Variants in ZNRF1 observed in about 807,000 individuals in gnomAD.
ZNRF1 encodes the protein E3 ubiquitin-protein ligase ZNRF1.
ZNRF1 carries 3 observed loss-of-function variants against 18.4 expected under a neutral mutation model. The observed-to-expected ratio is 0.16, with a 90% CI of 0.07 to 0.42. The LOEUF (loss-of-function observed/expected upper bound fraction) is 0.42. ZNRF1 is among the 10% of genes least tolerant of loss of function. ZNRF1 has a pLI of 0.99. For synonymous variants in ZNRF1, 157 were observed against 144.2 expected, an observed-to-expected ratio of 1.09 and a Z score of -0.64; for missense variants, 310 against 329.8, an observed-to-expected ratio of 0.94 and a Z score of 0.47.
intron 1 of ZNRF1, among the ~76,000 whole-genome samples, chr16:75,050,142 G>T (rs954205906): frequency 6.6e-6 from 1 of 152,158 alleles, no homozygotes; most frequent in African/African-American, 2.4e-5. Context: ...AAACTCTTGT[G>T]TATTTCAATA....
At chr16:75,005,070 TTG>T (rs2034901328) in intron 1 of ZNRF1, among the ~76,000 whole-genome samples, 1 of 152,146 alleles carries the variant, frequency 6.6e-6, no homozygotes, top group Non-Finnish European at 1.5e-5. Flanking sequence ...CAGAAAGCCT[TTG>T]TGTCCCGCCA....
At chr16:75,052,594 G>A (rs1386605235) in intron 1 of ZNRF1, among the ~76,000 whole-genome samples, 1 of 152,070 alleles carries the variant, frequency 6.6e-6, no homozygotes, top group African/African-American at 2.4e-5. Context: ...CTTGTTTAAG[G>A]TGAGACCATG....
chr16:75,082,734 G>A lies in ZNRF1; in HGVS notation c.425-10838G>A, dbSNP rs183147434. The stretch of plus-strand genomic sequence containing the variant: ...ATGCCTGGCTAATTTTTATATTTTT[G>A]GTAGAGACAGGGTTTCACCATGTTG... On this transcript the variant is annotated intron_variant, in intron 1 of 4. Transcript: ENST00000335325. 3.3e-3 allele frequency among the ~76,000 whole-genome samples: 508 copies of A among 152,112 alleles called. 3 individuals carry two copies. Among genetic ancestry groups the A allele is most frequent in the Non-Finnish European group, 5.3e-3 (361 of 67,998 alleles).
chr16:75,061,197 G>A (rs1172421669), intron 1 of ZNRF1, among the ~76,000 whole-genome samples: 8 of 152,120 alleles, frequency 5.3e-5, no homozygotes, highest in South Asian at 4.1e-4. Flanking sequence ...ATGCAATTAA[G>A]TTATTAACTG....
chr16:75,010,431 C>G (rs182157875), intron 1 of ZNRF1, among the ~76,000 whole-genome samples: 1 of 152,250 alleles, frequency 6.6e-6, no homozygotes, highest in Admixed American at 6.5e-5. Flanking sequence ...ACATTTTGCT[C>G]AAAATAAAGA....
intron 1 of ZNRF1, among the ~76,000 whole-genome samples, chr16:75,084,840 A>G (rs2036055537): frequency 6.6e-6 from 1 of 152,120 alleles, no homozygotes; most frequent in Non-Finnish European, 1.5e-5. Context: ...TTTCTTCACA[A>G]CACAGCTCAC....
intron 1 of ZNRF1, chr16:75,002,421 G>A (rs141509357): frequency 1.3e-3 from 192 of 152,336 alleles, no homozygotes; most frequent in African/African-American, 4.4e-3. Flanking sequence ...GAAGGGTAAC[G>A]ATTTTGGTGC....
chr16:75,045,684 C>T lies in ZNRF1; in HGVS notation c.424+45589C>T, dbSNP rs1413696790. Among the ~76,000 whole-genome samples the T allele has an allele frequency of 3.3e-5, 5 of 151,380 alleles. No individual in the cohort carries two copies. In the East Asian group the frequency reaches 9.7e-4, roughly 29 times the overall value. Reference sequence around the variant, plus strand: ...TGAACCTGCATCTGGTGCCAGTAAACCTAACTTGCTCAGCTGAATCTTCTT... The same window carrying T: ...TGAACCTGCATCTGGTGCCAGTAAATCTAACTTGCTCAGCTGAATCTTCTT... On this transcript the variant is annotated intron_variant, in intron 1 of 4. Transcript: ENST00000335325.
intron 1 of ZNRF1, among the ~76,000 whole-genome samples, chr16:75,081,365 T>C (rs1360535418): frequency 2.0e-5 from 3 of 152,208 alleles, no homozygotes; most frequent in African/African-American, 7.2e-5. Context: ...GTGGAGGAAG[T>C]GACACTTTCT....
intron 1 of ZNRF1, among the ~76,000 whole-genome samples, chr16:75,060,859 A>G (rs889432109): frequency 3.3e-5 from 5 of 152,112 alleles, no homozygotes; most frequent in African/African-American, 9.7e-5. Context: ...CCCCTGTACT[A>G]TGAGGGTACT....
intron 1 of ZNRF1, chr16:75,000,330 C>G: frequency 1.4e-6 from 1 of 702,956 alleles, no homozygotes; most frequent in African/African-American, 1.7e-5. Context: ...TGTGGAAGGG[C>G]AGAGCGAAGC....
intron 2 of ZNRF1, 24 bp downstream of exon 2, chr16:75,093,691 A>T: frequency 6.3e-7 from 1 of 1,592,266 alleles, no homozygotes; most frequent in Non-Finnish European, 8.6e-7. Context: ...CTGCCTCACC[A>T]GCCTCCAGAG....
At chr16:75,050,896 AAAC>A (rs1487118746) in intron 1 of ZNRF1, among the ~76,000 whole-genome samples, 1,429 of 105,952 alleles carry the variant, frequency 0.013, 401 homozygotes, top group African/African-American at 0.025. Flanking sequence ...AAACAAAAAA[AAAC>A]AAAAAACTTG....
intron 1 of ZNRF1, among the ~76,000 whole-genome samples, chr16:75,082,218 A>G (rs572184358): frequency 1.3e-5 from 2 of 152,158 alleles, no homozygotes; most frequent in South Asian, 2.1e-4. Context: ...GACTCAGGTC[A>G]TTGGACCATC....
chr16:75,000,130 G>A, intron 1 of ZNRF1, 35 bp downstream of exon 1: 11 of 1,573,668 alleles, frequency 7.0e-6, no homozygotes, highest in Non-Finnish European at 9.5e-6. Context: ...TCGGAGGGAG[G>A]GCGCGCCGGG....
At chr16:75,075,292 A>G (rs1001962189) in intron 1 of ZNRF1, among the ~76,000 whole-genome samples, 7 of 152,254 alleles carry the variant, frequency 4.6e-5, no homozygotes, top group African/African-American at 1.7e-4. Context: ...TGCCCACTGC[A>G]CACCACAGCA....
intron 1 of ZNRF1, among the ~76,000 whole-genome samples, chr16:75,022,914 A>G (rs2035172678): frequency 6.6e-6 from 1 of 152,216 alleles, no homozygotes; most frequent in Non-Finnish European, 1.5e-5. Flanking sequence ...TATGTTTAGG[A>G]AGAATTCAGA....
At chr16:75,000,144 C>T (rs1430404425) in intron 1 of ZNRF1, 49 bp downstream of exon 1, 25 of 1,567,014 alleles carry the variant, frequency 1.6e-5, no homozygotes, top group Non-Finnish European at 2.0e-5. Context: ...CGCCGGGGCG[C>T]CCCAAGCCTT....
At chr16:75,105,666 C>T (rs2036306963) in intron 3 of ZNRF1, 3 of 152,282 alleles carry the variant, frequency 2.0e-5, no homozygotes, top group African/African-American at 7.2e-5. Flanking sequence ...TGGTCTAGCT[C>T]CCAGCACGGA....
Sources: allele counts gnomAD v4.1 joint callset (sites outside exome capture counted in the v4.1 genomes callset), GRCh38; gene constraint gnomAD v4.1.1; transcripts MANE v1.5; gene names NCBI Gene and HGNC (gene_info 2026-07-23, HGNC 2026-07-21).